PVT1: variants seen among roughly 807,000 people sequenced by gnomAD.
PVT1 encodes the protein Pvt1 oncogene, also known as CXCR4/PVT1 fusion.
At chr8:127,989,044 T>A (rs1341950473) in intron 3 of PVT1, 3 of 152,240 alleles carry the variant, frequency 2.0e-5, no homozygotes, top group Admixed American at 2.0e-4. Flanking sequence ...CTTGTGCTCC[T>A]CATTCAGTGT....
intron 2 of PVT1, among the ~76,000 whole-genome samples, chr8:127,845,981 C>G (rs1200036564): frequency 6.6e-6 from 1 of 152,194 alleles, no homozygotes; most frequent in South Asian, 2.1e-4. Context: ...TAGCGGGGTC[C>G]CAGGAAGGCT....
intron 2 of PVT1, among the ~76,000 whole-genome samples, chr8:127,841,300 G>A (rs1171786764): frequency 1.3e-5 from 2 of 152,134 alleles, no homozygotes; most frequent in African/African-American, 4.8e-5. Flanking sequence ...TCTTGAGACA[G>A]TCTTGCTCTA....
chr8:128,084,105 C>G (rs750686344), intron 5 of PVT1, among the ~76,000 whole-genome samples: 5 of 152,164 alleles, frequency 3.3e-5, no homozygotes, highest in South Asian at 2.1e-4. Context: ...CTTTATCCCC[C>G]CCTTGGCAGC....
chr8:128,059,544 C>T (rs1024641340), intron 4 of PVT1, among the ~76,000 whole-genome samples: 6 of 152,198 alleles, frequency 3.9e-5, no homozygotes, highest in Admixed American at 2.6e-4. Context: ...CCATAAATAA[C>T]ATTTTATTAA....
intron 3 of PVT1, among the ~76,000 whole-genome samples, chr8:127,900,186 C>T (rs567817464): frequency 7.9e-5 from 12 of 152,042 alleles, no homozygotes; most frequent in Middle Eastern, 3.4e-3. Flanking sequence ...GGACTGCAGG[C>T]GCGTACCACC....
intron 3 of PVT1, among the ~76,000 whole-genome samples, chr8:127,979,056 A>G (rs1365371973): frequency 6.6e-6 from 1 of 152,244 alleles, no homozygotes; most frequent in African/African-American, 2.4e-5. Context: ...TACACAAATG[A>G]CACAATTTAA....
chr8:127,862,978 T>TG (rs1211308033), intron 2 of PVT1, among the ~76,000 whole-genome samples: 1 of 152,198 alleles, frequency 6.6e-6, no homozygotes, highest in Non-Finnish European at 1.5e-5. Context: ...TCCATTTCTA[T>TG]GGGGGACATT....
intron 4 of PVT1, among the ~76,000 whole-genome samples, chr8:128,043,393 T>C (rs561423216): frequency 5.4e-4 from 82 of 152,306 alleles, no homozygotes; most frequent in African/African-American, 1.9e-3. Context: ...GGAAGCTCTT[T>C]TGATTTGTTT....
At chr8:128,023,244 C>A (rs1817458334) in intron 4 of PVT1, among the ~76,000 whole-genome samples, 1 of 152,148 alleles carries the variant, frequency 6.6e-6, no homozygotes, top group Non-Finnish European at 1.5e-5. Context: ...GATTTCAGGG[C>A]TAGTCACTGG....
At chr8:127,814,434 C>T (rs567417642) in intron 2 of PVT1, among the ~76,000 whole-genome samples, 1 of 152,306 alleles carries the variant, frequency 6.6e-6, no homozygotes, top group South Asian at 2.1e-4. Flanking sequence ...TGAGTTGTGT[C>T]TTAATGAGCA....
intron 5 of PVT1, among the ~76,000 whole-genome samples, chr8:128,071,096 T>C (rs983838302): frequency 1.3e-5 from 2 of 152,274 alleles, no homozygotes; most frequent in East Asian, 1.9e-4. Context: ...TCCATCCAGC[T>C]CATTTTGGAA....
intron 3 of PVT1, among the ~76,000 whole-genome samples, chr8:127,948,902 C>T (rs74879920): frequency 0.019 from 2,873 of 152,342 alleles, 93 homozygotes; most frequent in African/African-American, 0.065. Context: ...CACTCACCCT[C>T]TCTGAACCCC....
chr8:128,097,012 C>T (rs1814437762), intron 6 of PVT1, among the ~76,000 whole-genome samples: 1 of 152,144 alleles, frequency 6.6e-6, no homozygotes, highest in African/African-American at 2.4e-5. Flanking sequence ...AAATGCCTGC[C>T]CCTAACCACA....
intron 4 of PVT1, chr8:128,009,058 TAATC>T (rs1817281919): frequency 2.8e-6 from 1 of 352,386 alleles, no homozygotes. Context: ...TCAAGTGACA[TAATC>T]AAGATAATTA....
At chr8:127,956,509 G>A (rs6989984) in intron 3 of PVT1, among the ~76,000 whole-genome samples, 13,491 of 152,286 alleles carry the variant, frequency 0.089, 744 homozygotes, top group African/African-American at 0.14. Flanking sequence ...TTTTTGAGAC[G>A]AAGTCTCGCT....
intron 3 of PVT1, among the ~76,000 whole-genome samples, chr8:127,968,959 C>T (rs1816733892): frequency 6.6e-6 from 1 of 152,138 alleles, no homozygotes. Flanking sequence ...ACAGACAGCA[C>T]GGCCCTGCTG....
intron 2 of PVT1, among the ~76,000 whole-genome samples, chr8:127,801,710 G>A (rs1410754736): frequency 6.6e-6 from 1 of 152,084 alleles, no homozygotes; most frequent in East Asian, 1.9e-4. Flanking sequence ...GGTGGATGGG[G>A]CCACAGGAAT....
intron 2 of PVT1, among the ~76,000 whole-genome samples, chr8:127,824,885 C>G (rs1027818202): frequency 6.6e-6 from 1 of 151,942 alleles, no homozygotes; most frequent in Non-Finnish European, 1.5e-5. Context: ...TTTGGGAGGC[C>G]GAGGTGGGTG....
At chr8:127,943,289 A>G (rs754628353) in intron 3 of PVT1, among the ~76,000 whole-genome samples, 25 of 152,328 alleles carry the variant, frequency 1.6e-4, no homozygotes, top group Admixed American at 2.0e-4. Flanking sequence ...CATGCAATCA[A>G]TTCCAGCCCA....
Sources: gnomAD v4.1 joint callset for allele counts (sites outside exome capture counted in the v4.1 genomes callset) on GRCh38, gnomAD v4.1.1 for gene constraint, MANE v1.5 for transcripts, NCBI Gene and HGNC (gene_info 2026-07-23, HGNC 2026-07-21) for gene names.